The following TMEM117 variants were observed in gnomAD, a reference collection of about 807,000 sequenced individuals.
TMEM117 encodes transmembrane protein 117.
TMEM117 carries 27 observed loss-of-function variants against 52.4 expected under a neutral mutation model. The ratio of observed to expected loss-of-function variants is 0.51; its 90% CI spans 0.38 to 0.71. The LOEUF (loss-of-function observed/expected upper bound fraction) is 0.71, where lower values mean the gene tolerates loss of function less well. TMEM117 is among the 30% of genes least tolerant of loss of function. The probability of loss-of-function intolerance (pLI) is 0.00; values close to 1 mark genes in which losing one functional copy is unlikely to be tolerated. For missense variants in TMEM117, 556 were observed against 630.5 expected (o/e 0.88, Z 1.26); for synonymous variants, 215 against 206.3 (o/e 1.04, Z -0.36).
intron 5 of TMEM117, among the ~76,000 whole-genome samples, chr12:44,271,963 A>T (rs533882597): frequency 3.9e-5 from 6 of 152,164 alleles, no homozygotes; most frequent in Non-Finnish European, 8.8e-5. Flanking sequence ...GACATACAGA[A>T]ATCCAACACA....
intron 5 of TMEM117, among the ~76,000 whole-genome samples, chr12:44,242,212 G>C (rs760877404): frequency 1.3e-5 from 2 of 151,368 alleles, no homozygotes; most frequent in African/African-American, 2.4e-5. Flanking sequence ...ATGGGGGTTT[G>C]TTGTACAGAT....
chr12:43,837,046 A>ATT (rs144332124), intron 1 of TMEM117, among the ~76,000 whole-genome samples: 4 of 151,092 alleles, frequency 2.6e-5, no homozygotes, highest in African/African-American at 7.3e-5. Flanking sequence ...TGTAAACCCC[A>ATT]TTTTTTTTTG....
chr12:44,136,429 A>G (rs940229597), intron 3 of TMEM117, among the ~76,000 whole-genome samples: 12 of 152,168 alleles, frequency 7.9e-5, no homozygotes, highest in Non-Finnish European at 1.8e-4. Context: ...TAACCACACA[A>G]AATCTGGGAC....
chr12:44,029,399 G>C (rs906934657), intron 3 of TMEM117, among the ~76,000 whole-genome samples: 1 of 152,164 alleles, frequency 6.6e-6, no homozygotes. Context: ...GTACAGGCAT[G>C]TACAGGATTA....
intron 3 of TMEM117, among the ~76,000 whole-genome samples, chr12:44,107,010 G>T (rs1412762280): frequency 6.6e-6 from 1 of 152,016 alleles, no homozygotes; most frequent in African/African-American, 2.4e-5. Flanking sequence ...GAGGATGAAT[G>T]ATTATTTGGC....
At chr12:43,905,863 T>C (rs1944378103) in intron 2 of TMEM117, among the ~76,000 whole-genome samples, 1 of 152,230 alleles carries the variant, frequency 6.6e-6, no homozygotes, top group Admixed American at 6.5e-5. Context: ...CTGTAGCTTT[T>C]GCTTAGATCA....
At chr12:44,021,357 C>T (rs555020375) in intron 3 of TMEM117, among the ~76,000 whole-genome samples, 29 of 152,074 alleles carry the variant, frequency 1.9e-4, no homozygotes, top group Non-Finnish European at 3.8e-4. Flanking sequence ...TAAGTGAGAA[C>T]GTGCGATCTG....
chr12:44,204,822 A>G (rs1055463013), intron 4 of TMEM117, among the ~76,000 whole-genome samples: 2 of 152,174 alleles, frequency 1.3e-5, no homozygotes, highest in Non-Finnish European at 2.9e-5. Flanking sequence ...CTATTCAATA[A>G]ATCGTGCTGG....
intron 6 of TMEM117, among the ~76,000 whole-genome samples, chr12:44,363,820 G>T (rs1377457391): frequency 6.6e-6 from 1 of 152,136 alleles, no homozygotes; most frequent in Non-Finnish European, 1.5e-5. Flanking sequence ...AGTTGTTAGA[G>T]TGAATTTTTC....
intron 4 of TMEM117, among the ~76,000 whole-genome samples, chr12:44,145,021 G>A (rs529178752): frequency 5.0e-4 from 76 of 152,224 alleles, no homozygotes; most frequent in African/African-American, 1.7e-3. Flanking sequence ...GCCAGGCGTG[G>A]TGGCGGGCGC....
intron 4 of TMEM117, among the ~76,000 whole-genome samples, chr12:44,182,125 G>A (rs1026780758): frequency 4.9e-4 from 75 of 152,090 alleles, no homozygotes; most frequent in African/African-American, 1.7e-3. Context: ...AATTGTGAAT[G>A]GGAGTTCACT....
At chr12:44,288,834 A>G (rs777792518) in intron 5 of TMEM117, among the ~76,000 whole-genome samples, 6 of 152,184 alleles carry the variant, frequency 3.9e-5, no homozygotes, top group Admixed American at 1.3e-4. Context: ...TTCATCATAC[A>G]TAGTTAACCA....
intron 3 of TMEM117, among the ~76,000 whole-genome samples, chr12:43,945,202 GA>G (rs72015304): frequency 0.17 from 26,276 of 152,074 alleles, 3,478 homozygotes; most frequent in African/African-American, 0.36. Flanking sequence ...ACTAAGACAT[GA>G]AATATGTGCC....
downstream of TMEM117, among the ~76,000 whole-genome samples, chr12:44,394,678 C>G (rs928473555): frequency 6.6e-6 from 1 of 152,168 alleles, no homozygotes; most frequent in Non-Finnish European, 1.5e-5. Flanking sequence ...CTTATCAGGA[C>G]ACTCTCATCT....
intron 6 of TMEM117, among the ~76,000 whole-genome samples, chr12:44,332,712 TACACACACACAC>T (rs34633299): frequency 4.2e-5 from 6 of 143,130 alleles, no homozygotes; most frequent in South Asian, 2.3e-4. Flanking sequence ...CTACTGTTAC[TACACACACACAC>T]ACACACACAC....
chr12:43,950,340 A>G (rs959725939), intron 3 of TMEM117, among the ~76,000 whole-genome samples: 8 of 152,314 alleles, frequency 5.3e-5, no homozygotes, highest in African/African-American at 1.9e-4. Context: ...ATTTACATTA[A>G]AATAACACAA....
intron 3 of TMEM117, among the ~76,000 whole-genome samples, chr12:44,132,505 C>T (rs1456704021): frequency 6.6e-6 from 1 of 152,086 alleles, no homozygotes; most frequent in East Asian, 1.9e-4. Context: ...TTCTCCCTTG[C>T]CTTCAGAAAT....
intron 4 of TMEM117, among the ~76,000 whole-genome samples, chr12:44,183,924 G>A (rs897315115): frequency 1.3e-5 from 2 of 152,164 alleles, no homozygotes; most frequent in Non-Finnish European, 2.9e-5. Flanking sequence ...CATCCCTGCA[G>A]TAGGTAGAAT....
chr12:44,396,999 A>G, the TMEM117 span, among the ~76,000 whole-genome samples: 4 of 152,216 alleles, frequency 2.6e-5, no homozygotes, highest in Non-Finnish European at 4.4e-5. Context: ...ATTATTTCTT[A>G]CATTCAATAT....
Sources: gnomAD v4.1 joint callset for allele counts (sites outside exome capture counted in the v4.1 genomes callset) on GRCh38, gnomAD v4.1.1 for gene constraint, MANE v1.5 for transcripts, NCBI Gene and HGNC (gene_info 2026-07-23, HGNC 2026-07-21) for gene names.